The following SGIP1 variants were observed in gnomAD, a reference collection of about 807,000 sequenced individuals.
The protein encoded by SGIP1 is SH3-containing GRB2-like protein 3-interacting protein 1.
In SGIP1, 38 loss-of-function variants were observed where a neutral mutation model predicts 107.5. That is an observed-to-expected ratio of 0.35 (90% CI 0.27 to 0.46). The LOEUF (loss-of-function observed/expected upper bound fraction) is 0.46. Among genes scored for constraint, SGIP1 ranks in the 20% least tolerant of loss-of-function variants. SGIP1 has a pLI of 1.00. For synonymous variants in SGIP1, 365 were observed against 366.1 expected (o/e 1.00, Z 0.03); for missense variants, 929 against 1,019.5 (o/e 0.91, Z 1.21).
chr1:66,607,771 G>T (rs1229683919), intron 1 of SGIP1, among the ~76,000 whole-genome samples: 1 of 151,996 alleles, frequency 6.6e-6, no homozygotes, highest in Non-Finnish European at 1.5e-5. Context: ...GGTGGAAAGG[G>T]GATATTTGGT....
At chr1:66,545,338 G>C (rs2148136497) in intron 1 of SGIP1, among the ~76,000 whole-genome samples, 1 of 152,292 alleles carries the variant, frequency 6.6e-6, no homozygotes, top group Admixed American at 6.5e-5. Flanking sequence ...TATGGAAACA[G>C]TCTGTTCTGA....
chr1:66,727,037 A>T (rs2093788084), intron 19 of SGIP1, among the ~76,000 whole-genome samples: 1 of 152,256 alleles, frequency 6.6e-6, no homozygotes. Context: ...TTCTTAAATA[A>T]GACACCGAAA....
chr1:66,669,725 A>G (rs758210738), intron 9 of SGIP1, among the ~76,000 whole-genome samples: 1 of 152,232 alleles, frequency 6.6e-6, no homozygotes, highest in Non-Finnish European at 1.5e-5. Flanking sequence ...AGGGAAAAAC[A>G]GATCACATTA....
chr1:66,643,727 T>TTGTG lies in SGIP1; in HGVS notation c.459+20_459+23dup, dbSNP rs145373755. On this transcript the variant is annotated intron_variant, in intron 7 of 24. Coordinates refer to ENST00000371037, the MANE Select transcript of SGIP1 (RefSeq NM_032291.4). ...CTTTCCCCATCACCAGTGGTGAGTG[T>TTGTG]TGTGTGTGTGTGTGTTAAGCTTTAG... 0.13 allele frequency: 203,948 copies of TTGTG among 1,585,988 alleles called. 9,826 individuals carry two copies. Among genetic ancestry groups the TTGTG allele is most frequent in the East Asian group, 0.15 (6,549 of 44,212 alleles).
In SGIP1 at chr1:66,735,638, G is replaced by T. The variant is rs2094199903; in HGVS notation, c.2031+1758G>T. On this transcript the variant is annotated intron_variant, in intron 21 of 24. Coordinates refer to ENST00000371037, the MANE Select transcript of SGIP1 (RefSeq NM_032291.4). The stretch of plus-strand genomic sequence containing the variant: ...GATCGAGACCATCCTGGCTAACAAG[G>T]TGAAACCCCGTCTCTACTAAAAATA... Among the ~76,000 whole-genome samples, 3 of 65,902 alleles carry T rather than the reference G, an allele frequency of 4.6e-5. 1 individual carries two copies. The highest frequency in any genetic ancestry group is 9.9e-5 in the Non-Finnish European group (3 of 30,198). 43.2% of individuals were successfully genotyped at this position (65,902 alleles called of 152,430 possible). A position where few individuals can be genotyped will look rare whatever the true frequency, so the allele number is the denominator to read the frequency against.
chr1:66,569,748 T>C (rs61599553), intron 1 of SGIP1, among the ~76,000 whole-genome samples: 8,211 of 151,850 alleles, frequency 0.054, 764 homozygotes, highest in African/African-American at 0.19. Flanking sequence ...CATAAATGAG[T>C]TAGTAAATAT....
At chr1:66,686,532 A>G (rs2088330209) in intron 15 of SGIP1, among the ~76,000 whole-genome samples, 1 of 152,222 alleles carries the variant, frequency 6.6e-6, no homozygotes, top group African/African-American at 2.4e-5. Flanking sequence ...AGATGTGCAA[A>G]TGATAGCCAT....
chr1:66,548,721 C>T (rs1461261235), intron 1 of SGIP1, among the ~76,000 whole-genome samples: 2 of 152,070 alleles, frequency 1.3e-5, no homozygotes, highest in Non-Finnish European at 2.9e-5. Flanking sequence ...CAGAGGTTGA[C>T]CTCTCCATGT....
At chr1:66,693,839 G>A (rs2090355080) in intron 17 of SGIP1, among the ~76,000 whole-genome samples, 1 of 152,218 alleles carries the variant, frequency 6.6e-6, no homozygotes, top group South Asian at 2.1e-4. Context: ...TGATAATGCT[G>A]TTCAAAATTA....
chr1:66,671,528 A>G (rs2083809131), intron 10 of SGIP1, among the ~76,000 whole-genome samples: 1 of 152,208 alleles, frequency 6.6e-6, no homozygotes, highest in African/African-American at 2.4e-5. Flanking sequence ...TAAAGATACA[A>G]CATTTTCTTG....
intron 1 of SGIP1, among the ~76,000 whole-genome samples, chr1:66,609,078 C>A (rs1324602532): frequency 6.6e-6 from 1 of 152,150 alleles, no homozygotes; most frequent in African/African-American, 2.4e-5. Context: ...TGGCTTGGAG[C>A]CCTCTTCTCA....
At position 66,556,759 on chromosome 1, in the gene SGIP1, C is replaced by A. The variant is rs144274222; in HGVS notation, c.10+22391C>A. Among the ~76,000 whole-genome samples the A allele has an allele frequency of 1.5e-3, 228 of 151,890 alleles. 1 individual carries two copies. Among genetic ancestry groups the A allele is most frequent in the African/African-American group, 5.4e-3 (224 of 41,410 alleles). On this transcript the variant is annotated intron_variant, in intron 1 of 24. Transcript: ENST00000371037. The stretch of plus-strand genomic sequence containing the variant: ...AGTATTCTTTAAAGGGTGAGTGAAC[C>A]CATCATGGCTAAAATGATCTGTAAT...
At chr1:66,642,703 A>G (rs2077000636) in intron 5 of SGIP1, 107 bp from the exon 6 acceptor site, 1 of 924,858 alleles carries the variant, frequency 1.1e-6, no homozygotes, top group Admixed American at 2.6e-5. Flanking sequence ...TTCATCTCCT[A>G]AAAGAAAAGA....
At chr1:66,546,641 T>TTA (rs1456151858) in intron 1 of SGIP1, among the ~76,000 whole-genome samples, 3 of 152,212 alleles carry the variant, frequency 2.0e-5, no homozygotes, top group African/African-American at 7.2e-5. Context: ...TGGCTCCTAT[T>TTA]TAGTAAGTTA....
intron 7 of SGIP1, among the ~76,000 whole-genome samples, chr1:66,644,673 T>C (rs1340751813): frequency 1.3e-5 from 2 of 152,182 alleles, no homozygotes; most frequent in South Asian, 2.1e-4. Context: ...ATTGTAATCA[T>C]CCATCTTTTG....
At chr1:66,569,988 G>A (rs1025070572) in intron 1 of SGIP1, among the ~76,000 whole-genome samples, 4 of 151,506 alleles carry the variant, frequency 2.6e-5, no homozygotes, top group Admixed American at 1.3e-4. Context: ...ATTTGATCTC[G>A]GTTATCAACT....
Position 66,740,559 on chromosome 1 carries a change from T to C in SGIP1, c.2235-99T>C, listed in dbSNP as rs2094416955. The C allele has an allele frequency of 4.1e-6, 3 of 732,100 alleles. No homozygotes were observed. The African/African-American group carries it at 5.4e-5, about 13-fold the overall frequency. The allele number at this position is 732,100 out of a possible 1,614,324, so 45.4% of individuals were successfully genotyped here. A position where few individuals can be genotyped will look rare whatever the true frequency, so the allele number is the denominator to read the frequency against. On this transcript the variant is annotated intron_variant, in intron 22 of 24. Coordinates refer to ENST00000371037, the MANE Select transcript of SGIP1 (RefSeq NM_032291.4). Reference sequence around the variant, plus strand: ...TAAATTGTAGTGAAAGTTTTCAAGCTCTATTTTAAAAAATTAATACTATCT... The same window carrying C: ...TAAATTGTAGTGAAAGTTTTCAAGCCCTATTTTAAAAAATTAATACTATCT...
At chr1:66,695,897 T>G (rs1211912732) in intron 18 of SGIP1, among the ~76,000 whole-genome samples, 1 of 152,268 alleles carries the variant, frequency 6.6e-6, no homozygotes, top group Non-Finnish European at 1.5e-5. Flanking sequence ...TAACTTGTTT[T>G]GGGTAATTAA....
chr1:66,667,405 G>A (rs1055141222), intron 8 of SGIP1, 125 bp from the exon 9 acceptor site: 3 of 886,058 alleles, frequency 3.4e-6, no homozygotes, highest in Admixed American at 1.7e-5. Flanking sequence ...GTCTTCCTTT[G>A]GCCTGATTCT....
Sources: allele counts gnomAD v4.1 joint callset (sites outside exome capture counted in the v4.1 genomes callset), GRCh38; gene constraint gnomAD v4.1.1; transcripts MANE v1.5; gene names NCBI Gene and HGNC (gene_info 2026-07-23, HGNC 2026-07-21).